The following C15orf39 variants were observed in gnomAD, a reference collection of about 807,000 sequenced individuals.
The protein encoded by C15orf39 is uncharacterized protein C15orf39.
C15orf39 carries 24 observed loss-of-function variants against 53.9 expected under a neutral mutation model. The ratio of observed to expected loss-of-function variants is 0.45; its 90% CI spans 0.32 to 0.63. The LOEUF is 0.63. Among genes scored for constraint, C15orf39 ranks in the 20% least tolerant of loss-of-function variants. The probability of loss-of-function intolerance (pLI) is 0.04; values close to 1 mark genes in which losing one functional copy is unlikely to be tolerated. For synonymous variants in C15orf39, 569 were observed against 576.5 expected (o/e 0.99, Z 0.19); for missense variants, 1,271 against 1,347.9 (o/e 0.94, Z 0.89).
rs1197510169 is a variant in C15orf39 at position 75,210,943 on chromosome 15, C to T, written c.2971C>T (p.Pro991Ser). The T allele has an allele frequency of 2.5e-6, 4 of 1,613,330 alleles. No homozygotes were observed. In the Admixed American group the frequency reaches 5.0e-5, roughly 20 times the overall value. ...AGAGTCCTGTGGTGCCTCCCCTACCCCTGCTACCAGTGCCAGCCCACCTGG... is the reference window on the plus strand; with the variant it reads ...AGAGTCCTGTGGTGCCTCCCCTACCTCTGCTACCAGTGCCAGCCCACCTGG... ...GEESCGASPT[P>S]ATSASPPGPT... The change falls in exon 3 of 3, where the codon CCT becomes TCT. Residue 991 changes from proline (P) to serine (S), a missense_variant. Around this residue, in one of 2 missense-constraint regions of C15orf39, gnomAD observed 277 missense variants for 354.1 expected, o/e 0.78. Coordinates refer to ENST00000394987, the MANE Select transcript of C15orf39 (RefSeq NM_015492.5).
chr15:75,204,147 C>G (rs1425430604), intron 1 of C15orf39, among the ~76,000 whole-genome samples: 1 of 152,238 alleles, frequency 6.6e-6, no homozygotes, highest in Non-Finnish European at 1.5e-5. Context: ...CCTTGCTTGC[C>G]AGTCACTGAA....
In C15orf39 at chr15:75,207,011, C is replaced by A; in HGVS notation, c.963C>A (p.Gly321=). ...KGTGYQAGGL[G]SPYLRQQAAQ... is the part of the protein sequence containing the mutation. ...CCGGGTACCAGGCTGGTGGGCTGGG[C>A]AGCCCCTACCTGAGGCAGCAGGCAG... The change falls in exon 2 of 3, where the codon GGC becomes GGA. Residue 321 remains glycine (G), a synonymous_variant. Transcript: ENST00000394987. 1 of 1,602,638 alleles carries A rather than the reference C, an allele frequency of 6.2e-7. No individual in the cohort carries two copies. Among genetic ancestry groups the A allele is most frequent in the South Asian group, 1.1e-5 (1 of 89,248 alleles).
chr15:75,199,827 C>T (rs2070390493), upstream of C15orf39, among the ~76,000 whole-genome samples: 1 of 152,188 alleles, frequency 6.6e-6, no homozygotes, highest in African/African-American at 2.4e-5. Context: ...AGACTGTTCC[C>T]TTCTCTGCTT....
rs1203417276 is a variant in C15orf39 at position 75,209,038 on chromosome 15, C to T, written c.2776+214C>T. On this transcript the variant is annotated intron_variant, in intron 2 of 2. Transcript: ENST00000394987. ...CCTCTTTTGTAGGCTTCTGAACATG[C>T]CAGCTGCTCTGTCCCCATGGAAACT... 5 of 791,630 alleles carry T rather than the reference C, an allele frequency of 6.3e-6. No homozygotes were observed. In the East Asian group the frequency reaches 1.2e-4, roughly 19 times the overall value. 49.0% of individuals were successfully genotyped at this position (791,630 alleles called of 1,614,324 possible).
chr15:75,203,280 C>T (rs947071161), intron 1 of C15orf39, among the ~76,000 whole-genome samples: 2 of 152,206 alleles, frequency 1.3e-5, no homozygotes, highest in African/African-American at 4.8e-5. Context: ...GGCTCTTCTC[C>T]GGGACCCTGG....
chr15:75,210,695 A>C, intron 2 of C15orf39, 54 bp from the exon 3 acceptor site: 2 of 1,535,704 alleles, frequency 1.3e-6, no homozygotes, highest in Non-Finnish European at 1.8e-6. Flanking sequence ...GGAAGCCAGG[A>C]GGTGGGACCT....
rs376463216 is a variant in C15orf39, at chr15:75,208,349, T to C, written c.2301T>C (p.Phe767=). The change falls in exon 2 of 3, where the codon TTT becomes TTC. Residue 767 remains phenylalanine (F), a synonymous_variant. Coordinates refer to ENST00000394987, the MANE Select transcript of C15orf39 (RefSeq NM_015492.5). ...CAGGGGACTCCCTGGAGCAGCATTTTACAGGACTACATGCGTCCCTGTGTG... is the reference window on the plus strand; with the variant it reads ...CAGGGGACTCCCTGGAGCAGCATTTCACAGGACTACATGCGTCCCTGTGTG... ...SAPGDSLEQH[F]TGLHASLCDA... The C allele has an allele frequency of 2.5e-5, 40 of 1,586,076 alleles. No homozygotes were observed. In the African/African-American group the frequency reaches 4.7e-4, roughly 19 times the overall value.
Position 75,208,314 on chromosome 15 carries a change from A to G in C15orf39, c.2266A>G (p.Thr756Ala). ...APVAGPAPAS[T>A]SAPGDSLEQH... ...AGTTGCAGGCCCTGCTCCAGCATCT[A>G]CTTCAGCCCCAGGGGACTCCCTGGA... Residue 756 changes from threonine (T) to alanine (A), a missense_variant, in exon 2 of 3, where the codon ACT (threonine) becomes GCT (alanine). Physicochemically the swap from Thr to Ala is moderately conservative, Grantham distance 58. This residue lies in a region of C15orf39 where 994 missense variants were observed against 993.7 expected (regional missense o/e 1.00). Coordinates refer to ENST00000394987, the MANE Select transcript of C15orf39 (RefSeq NM_015492.5). 3 of 1,575,864 alleles carry G rather than the reference A, an allele frequency of 1.9e-6. No individual in the cohort carries two copies. Among genetic ancestry groups the G allele is most frequent in the Non-Finnish European group, 2.6e-6 (3 of 1,160,526 alleles).
At chr15:75,202,295 G>A (rs1468706247) in intron 1 of C15orf39, 1 of 152,292 alleles carries the variant, frequency 6.6e-6, no homozygotes, top group African/African-American at 2.4e-5. Flanking sequence ...GAGGCTCCCG[G>A]GACCTGGTAG....
In C15orf39 at chr15:75,211,517, C is replaced by T. The variant is rs1567142484; in HGVS notation, c.*401C>T. 5.6e-6 allele frequency: 1 copy of T among 178,722 alleles called. No individual in the cohort carries two copies. Among genetic ancestry groups the T allele is most frequent in the Non-Finnish European group, 1.2e-5 (1 of 86,088 alleles). The allele number at this position is 178,722 out of a possible 1,614,324, so 11.1% of individuals were successfully genotyped here. A position where few individuals can be genotyped will look rare whatever the true frequency, so the allele number is the denominator to read the frequency against. ...GGATGCTGCCTGATACATACCCTGTCACCATTTGGTCTCTGCTTCCTCTCT... is the reference window on the plus strand; with the variant it reads ...GGATGCTGCCTGATACATACCCTGTTACCATTTGGTCTCTGCTTCCTCTCT... On this transcript the variant is annotated 3_prime_UTR_variant, in exon 3 of 3. Coordinates refer to ENST00000394987, the MANE Select transcript of C15orf39 (RefSeq NM_015492.5).
At position 75,206,234 on chromosome 15, in the gene C15orf39, G is replaced by T. The variant is rs754447200; in HGVS notation, c.186G>T (p.Gln62His). 1 of 1,614,094 alleles carries T rather than the reference G, an allele frequency of 6.2e-7. No individual in the cohort carries two copies. Among genetic ancestry groups the T allele is most frequent in the Admixed American group, 1.7e-5 (1 of 60,012 alleles). ...GTACTCCTAAGGCCGAGTCTGAGCA[G>T]TTGGCGTCCTGGACCCCATACCCAC... ...MAGTPKAESE[Q>H]LASWTPYPPL... The change falls in exon 2 of 3, where the codon CAG becomes CAT. Residue 62 changes from glutamine (Q) to histidine (H), a missense_variant. Around this residue, in one of 2 missense-constraint regions of C15orf39, gnomAD observed 994 missense variants for 993.7 expected, o/e 1.00. Transcript: ENST00000394987.
chr15:75,208,429 TAG>T lies in C15orf39; in HGVS notation c.2385_2386del (p.Glu795AspfsTer132). 1 of 1,606,062 alleles carries T rather than the reference TAG, an allele frequency of 6.2e-7. No individual in the cohort carries two copies. The highest frequency in any genetic ancestry group is 8.5e-7 in the Non-Finnish European group (1 of 1,178,598). On this transcript the variant is annotated frameshift_variant, in exon 2 of 3. Transcript: ENST00000394987. LOFTEE classifies it high-confidence loss of function. ...CCTCCAGAGAAGCTTCGCGAGTGGC[TAG>T]AGACGGCTGGGCCCTGGGGCCAGGC...
chr15:75,209,122 C>T (rs1414536441), intron 2 of C15orf39: 3 of 406,756 alleles, frequency 7.4e-6, no homozygotes, highest in African/African-American at 4.1e-5. Context: ...CCTGTGCCTT[C>T]TCCATCTTTG....
At position 75,206,447 on chromosome 15, in the gene C15orf39, C is replaced by G; in HGVS notation, c.399C>G (p.Val133=). 1 of 1,614,060 alleles carries G rather than the reference C, an allele frequency of 6.2e-7. No homozygotes were observed. Among genetic ancestry groups the G allele is most frequent in the Non-Finnish European group, 8.5e-7 (1 of 1,179,970 alleles). The part of the protein sequence containing the change: ...PGPPLAAPKP[V]YRNPLCYGLS... ...CACCACTGGCAGCACCCAAACCTGT[C>G]TACCGCAACCCTCTGTGCTATGGGC... Residue 133 remains valine (V), a synonymous_variant, in exon 2 of 3, where the codon GTC becomes GTG. Coordinates refer to ENST00000394987, the MANE Select transcript of C15orf39 (RefSeq NM_015492.5).
Position 75,206,691 on chromosome 15 carries a change from G to A in C15orf39, c.643G>A (p.Glu215Lys), listed in dbSNP as rs765934103. 6.2e-7 allele frequency: 1 copy of A among 1,613,716 alleles called. No homozygotes were observed. Among genetic ancestry groups the A allele is most frequent in the Non-Finnish European group, 8.5e-7 (1 of 1,179,968 alleles). Residue 215 changes from glutamate (E) to lysine (K), a missense_variant, in exon 2 of 3, where the codon GAG (glutamate) becomes AAG (lysine). Physicochemically the swap from Glu to Lys is moderately conservative, Grantham distance 56. Transcript: ENST00000394987. ...GSFSPCQPFL[E>K]KYQTIHSTGF... ...CTTCTCCCCATGCCAGCCCTTCCTGGAGAAATATCAGACCATCCACAGCAC... is the reference window on the plus strand; with the variant it reads ...CTTCTCCCCATGCCAGCCCTTCCTGAAGAAATATCAGACCATCCACAGCAC...
chr15:75,202,357 C>G (rs2070409498), intron 1 of C15orf39: 1 of 152,346 alleles, frequency 6.6e-6, no homozygotes, highest in Admixed American at 6.5e-5. Flanking sequence ...AGAAGGAACT[C>G]AGGCCGAGCC....
intron 1 of C15orf39, among the ~76,000 whole-genome samples, chr15:75,205,624 C>T (rs1422728168): frequency 6.6e-6 from 1 of 152,108 alleles, no homozygotes. Context: ...GAGTTCAAGA[C>T]CAGCCTGGGT....
intron 1 of C15orf39, chr15:75,202,556 C>A (rs1186214991): frequency 6.6e-6 from 1 of 152,234 alleles, no homozygotes; most frequent in East Asian, 1.9e-4. Flanking sequence ...TGACTCACCC[C>A]TCTGGCCTCA....
rs569706710 is a variant in C15orf39, at chr15:75,208,264, G to A, written c.2216G>A (p.Arg739Gln). 9.4e-6 allele frequency: 15 copies of A among 1,591,456 alleles called. No homozygotes were observed. Among genetic ancestry groups the A allele is most frequent in the South Asian group, 2.2e-5 (2 of 89,416 alleles). ...CGAGCTCAGGCTCCAGCTTCAGCCC[G>A]GGATCCAGCTCCAGCTCCAGCTCCA... ...PARAQAPASA[R>Q]DPAPAPAPVA... Residue 739 changes from arginine (R) to glutamine (Q), a missense_variant, in exon 2 of 3, where the codon CGG becomes CAG. Coordinates refer to ENST00000394987, the MANE Select transcript of C15orf39 (RefSeq NM_015492.5).
Sources: gnomAD v4.1 joint callset for allele counts (sites outside exome capture counted in the v4.1 genomes callset) on GRCh38, gnomAD v4.1.1 for gene constraint, gnomAD v4.1.1 regional missense constraint, MANE v1.5 for transcripts, NCBI Gene and HGNC (gene_info 2026-07-23, HGNC 2026-07-21) for gene names.